DOCK3: variants seen among roughly 807,000 people sequenced by gnomAD.
DOCK3 encodes dedicator of cytokinesis protein 3.
Under a neutral mutation model 265.6 loss-of-function variants are expected in DOCK3, and 60 were observed. The observed-to-expected ratio is 0.23, with a 90% CI of 0.18 to 0.28. The LOEUF (loss-of-function observed/expected upper bound fraction) is 0.28, where lower values mean the gene tolerates loss of function less well. Ranked by LOEUF, DOCK3 falls within the 10% of genes least tolerant of loss-of-function variation. The probability of loss-of-function intolerance (pLI) is 1.00; values close to 1 mark genes in which losing one functional copy is unlikely to be tolerated. For synonymous variants in DOCK3, 881 were observed against 938.0 expected (o/e 0.94, Z 1.11); for missense variants, 1,981 against 2,594.3 (o/e 0.76, Z 5.14).
chr3:51,308,239 T>C (rs1264013672), intron 27 of DOCK3, among the ~76,000 whole-genome samples: 3 of 147,006 alleles, frequency 2.0e-5, no homozygotes, highest in Non-Finnish European at 4.5e-5. Context: ...TTTTTTTTTA[T>C]TGATCATTCT....
intron 1 of DOCK3, among the ~76,000 whole-genome samples, chr3:50,750,194 A>G (rs972692719): frequency 6.6e-6 from 1 of 151,860 alleles, no homozygotes; most frequent in East Asian, 1.9e-4. Flanking sequence ...AGGTAGGGCA[A>G]TTTCATCCTC....
chr3:51,080,712 A>C (rs1410525102), intron 7 of DOCK3, among the ~76,000 whole-genome samples: 1 of 152,194 alleles, frequency 6.6e-6, no homozygotes. Context: ...ATATAGTTCT[A>C]ATTGAAAATT....
At chr3:51,345,627 A>T (rs958730895) in intron 38 of DOCK3, among the ~76,000 whole-genome samples, 3 of 152,132 alleles carry the variant, frequency 2.0e-5, no homozygotes, top group African/African-American at 7.2e-5. Context: ...GTTTCCAAAA[A>T]AAACAAACAA....
chr3:51,078,053 T>C (rs2082110836), intron 7 of DOCK3, among the ~76,000 whole-genome samples: 2 of 151,736 alleles, frequency 1.3e-5, no homozygotes, highest in African/African-American at 4.8e-5. Context: ...ATCTGAATCT[T>C]GAAAAAAGAG....
chr3:50,990,086 ACAGT>A (rs1179626105), intron 5 of DOCK3, among the ~76,000 whole-genome samples: 1 of 152,228 alleles, frequency 6.6e-6, no homozygotes, highest in Non-Finnish European at 1.5e-5. Flanking sequence ...CTGAAATAAG[ACAGT>A]CAGAAAAATA....
intron 27 of DOCK3, among the ~76,000 whole-genome samples, chr3:51,302,626 TC>T (rs1486089692): frequency 6.6e-6 from 1 of 152,152 alleles, no homozygotes; most frequent in Non-Finnish European, 1.5e-5. Flanking sequence ...GGTGACAAAT[TC>T]CCTCCTCATT....
Position 51,260,221 on chromosome 3 carries a change from A to G in DOCK3, c.2250A>G (p.Gly750=), listed in dbSNP as rs2079779255. 6.2e-7 allele frequency: 1 copy of G among 1,613,788 alleles called. No individual in the cohort carries two copies. The highest frequency in any genetic ancestry group is 1.7e-5 in the Admixed American group (1 of 59,980). Reference sequence around the variant, plus strand: ...TCCTGTACTCACGAGCCACTTGTGGAATGGAAGAGGAACAATTCAGATCCA... The same window carrying G: ...TCCTGTACTCACGAGCCACTTGTGGGATGGAAGAGGAACAATTCAGATCCA... ...SRILYSRATC[G]MEEEQFRSSI... is the part of the protein sequence containing the mutation. Residue 750 remains glycine (G), a synonymous_variant, in exon 23 of 53, where the codon GGA becomes GGG. Coordinates refer to ENST00000266037, the MANE Select transcript of DOCK3 (RefSeq NM_004947.5).
intron 23 of DOCK3, 34 bp from the exon 24 acceptor site, chr3:51,270,779 ACT>A (rs2080453243): frequency 1.9e-6 from 3 of 1,589,682 alleles, no homozygotes; most frequent in Non-Finnish European, 2.6e-6. Context: ...ACACACCCTA[ACT>A]CTGTGCTAAC....
At chr3:51,041,513 G>A (rs561801149) in intron 5 of DOCK3, among the ~76,000 whole-genome samples, 4 of 151,696 alleles carry the variant, frequency 2.6e-5, no homozygotes, top group African/African-American at 4.8e-5. Flanking sequence ...CACCGCACCC[G>A]GCCCAAAATG....
At chr3:51,212,108 T>C (rs542969782) in intron 13 of DOCK3, among the ~76,000 whole-genome samples, 2 of 152,356 alleles carry the variant, frequency 1.3e-5, no homozygotes, top group African/African-American at 4.8e-5. Context: ...TTCCAAGATC[T>C]CAACTCTACA....
chr3:51,324,168 A>G (rs1576803275), intron 32 of DOCK3, among the ~76,000 whole-genome samples: 2 of 152,340 alleles, frequency 1.3e-5, no homozygotes, highest in Admixed American at 6.5e-5. Context: ...TTGTGTATTT[A>G]GAAAACCCCA....
At chr3:51,168,865 C>T (rs2086535873) in intron 12 of DOCK3, among the ~76,000 whole-genome samples, 1 of 151,366 alleles carries the variant, frequency 6.6e-6, no homozygotes, top group African/African-American at 2.5e-5. Flanking sequence ...CAATATCTAG[C>T]ATTGATAAGG....
At chr3:50,848,337 C>T (rs761886923) in intron 3 of DOCK3, among the ~76,000 whole-genome samples, 8 of 152,108 alleles carry the variant, frequency 5.3e-5, no homozygotes, top group Non-Finnish European at 1.0e-4. Flanking sequence ...TTGATCCTAT[C>T]GTGAAGTTGT....
intron 1 of DOCK3, among the ~76,000 whole-genome samples, chr3:50,731,464 T>G (rs2038203767): frequency 6.6e-6 from 1 of 152,226 alleles, no homozygotes; most frequent in African/African-American, 2.4e-5. Flanking sequence ...ATGTTGATCG[T>G]GGGTGAAGTT....
chr3:50,915,184 C>T (rs1417059106), intron 4 of DOCK3, among the ~76,000 whole-genome samples: 1 of 151,908 alleles, frequency 6.6e-6, no homozygotes, highest in Non-Finnish European at 1.5e-5. Context: ...GAGGTTTGGG[C>T]CTAGGAGCAG....
In DOCK3 at chr3:51,275,535, C is replaced by A. The variant is rs941546502; in HGVS notation, c.2676+329C>A. Among the ~76,000 whole-genome samples, 8 of 152,232 alleles carry A rather than the reference C, an allele frequency of 5.3e-5. 1 individual carries two copies. Among genetic ancestry groups the A allele is most frequent in the African/African-American group, 1.9e-4 (8 of 41,530 alleles). On this transcript the variant is annotated intron_variant, in intron 25 of 52. Transcript: ENST00000266037. ...TTCTTGGGAGTTTTCTGAGAATATTCAGGCATGAGCACAGGGAGGCAGACC... is the reference window on the plus strand; with the variant it reads ...TTCTTGGGAGTTTTCTGAGAATATTAAGGCATGAGCACAGGGAGGCAGACC...
At chr3:51,049,793 C>CACACACACA (rs1553745084) in intron 5 of DOCK3, among the ~76,000 whole-genome samples, 74 of 147,316 alleles carry the variant, frequency 5.0e-4, no homozygotes, top group African/African-American at 1.7e-3. Context: ...CCTAATGGGT[C>CACACACACA]CACACACACA....
At chr3:51,077,355 G>C (rs1478419514) in intron 7 of DOCK3, among the ~76,000 whole-genome samples, 1 of 152,110 alleles carries the variant, frequency 6.6e-6, no homozygotes, top group African/African-American at 2.4e-5. Flanking sequence ...AGAATCACAT[G>C]ATCAGCTTTA....
chr3:51,220,168 T>G (rs2090001070), intron 14 of DOCK3, among the ~76,000 whole-genome samples: 2 of 152,202 alleles, frequency 1.3e-5, no homozygotes. Context: ...GAATGGTAGC[T>G]AACATCTCTA....
Sources: allele counts gnomAD v4.1 joint callset (sites outside exome capture counted in the v4.1 genomes callset), GRCh38; gene constraint gnomAD v4.1.1; transcripts MANE v1.5; gene names NCBI Gene and HGNC (gene_info 2026-07-23, HGNC 2026-07-21).